SHLD2: variants seen among roughly 807,000 people sequenced by gnomAD.
The protein encoded by SHLD2 is RINN1-REV7-interacting novel NHEJ regulator 2.
In SHLD2, 30 loss-of-function variants were observed where a neutral mutation model predicts 73.2. That is an observed-to-expected ratio of 0.41 (90% CI 0.31 to 0.56). The LOEUF is 0.56. SHLD2 is among the 20% of genes least tolerant of loss of function. The pLI is 0.28. For synonymous variants in SHLD2, 285 were observed against 370.1 expected, an observed-to-expected ratio of 0.77 and a Z score of 2.64; for missense variants, 745 against 1,055.9, an observed-to-expected ratio of 0.71 and a Z score of 4.08.
chr10:87,127,353 T>C (rs1227300502), intron 2 of SHLD2, among the ~76,000 whole-genome samples: 4 of 151,858 alleles, frequency 2.6e-5, no homozygotes, highest in Admixed American at 2.6e-4. Context: ...CTAGTGAGAG[T>C]GAAAGATTGA....
rs543850393 is a variant in SHLD2 at position 87,105,462 on chromosome 10, G to A, written c.-6+8473G>A. ...AAGGTAGAGACGCTGATAATGTTGA[G>A]TCAGCTCAGGAAATTGGACCTGAAG... On this transcript the variant is annotated intron_variant, in intron 2 of 9. Coordinates refer to ENST00000298786, the MANE Select transcript of SHLD2 (RefSeq NM_001330112.2). 2.0e-5 allele frequency among the ~76,000 whole-genome samples: 3 copies of A among 152,334 alleles called. No homozygotes were observed. The East Asian group carries it at 5.8e-4, about 29-fold the overall frequency.
intron 8 of SHLD2, among the ~76,000 whole-genome samples, chr10:87,183,831 G>C (rs148703874): frequency 9.9e-5 from 15 of 152,258 alleles, no homozygotes; most frequent in African/African-American, 3.4e-4. Context: ...TTTCTAACCT[G>C]TCTCTCAGGC....
intron 2 of SHLD2, among the ~76,000 whole-genome samples, chr10:87,119,278 C>G (rs192794199): frequency 0.034 from 5,201 of 152,160 alleles, 118 homozygotes; most frequent in Middle Eastern, 0.11. Context: ...TATTTATTGG[C>G]TCACTTATTA....
intron 2 of SHLD2, among the ~76,000 whole-genome samples, chr10:87,134,008 G>T (rs943357820): frequency 6.6e-6 from 1 of 152,192 alleles, no homozygotes; most frequent in African/African-American, 2.4e-5. Context: ...TGAGGACAAT[G>T]GAAGAAGAGT....
chr10:87,134,246 C>T (rs1371105015), intron 2 of SHLD2, among the ~76,000 whole-genome samples: 2 of 152,126 alleles, frequency 1.3e-5, no homozygotes, highest in Non-Finnish European at 2.9e-5. Flanking sequence ...ATAAGAAGTA[C>T]GGTTTCTAAA....
At chr10:87,187,287 T>G in intron 9 of SHLD2, 87 bp downstream of exon 9, 1 of 837,936 alleles carries the variant, frequency 1.2e-6, no homozygotes, top group Non-Finnish European at 2.1e-6. Context: ...TACTTTAAAT[T>G]AAGAGCTTTT....
chr10:87,178,194 C>T (rs1460662069), intron 7 of SHLD2, among the ~76,000 whole-genome samples: 1 of 137,950 alleles, frequency 7.2e-6, no homozygotes, highest in East Asian at 2.1e-4. Flanking sequence ...CGAGATTGCA[C>T]CACTGCACTG....
chr10:87,132,123 A>G (rs2134161354), intron 2 of SHLD2, among the ~76,000 whole-genome samples: 1 of 152,228 alleles, frequency 6.6e-6, no homozygotes, highest in East Asian at 1.9e-4. Context: ...ATGATTTTCA[A>G]ATTTAGATAC....
chr10:87,190,140 T>C (rs1300438896), intron 9 of SHLD2, among the ~76,000 whole-genome samples: 1 of 152,298 alleles, frequency 6.6e-6, no homozygotes, highest in East Asian at 1.9e-4. Context: ...CTCATTGCAA[T>C]CTCTACCTCC....
At chr10:87,104,868 C>T (rs1842504100) in intron 2 of SHLD2, among the ~76,000 whole-genome samples, 1 of 151,982 alleles carries the variant, frequency 6.6e-6, no homozygotes, top group Non-Finnish European at 1.5e-5. Context: ...ACCATGTTGG[C>T]CAGGCTGCTC....
intron 2 of SHLD2, among the ~76,000 whole-genome samples, chr10:87,131,360 C>T (rs903768770): frequency 6.6e-6 from 1 of 152,164 alleles, no homozygotes; most frequent in African/African-American, 2.4e-5. Flanking sequence ...ATTAAGCAGT[C>T]ACTCCCCATT....
At chr10:87,122,173 CAAA>C (rs10706744) in intron 2 of SHLD2, among the ~76,000 whole-genome samples, 5 of 86,412 alleles carry the variant, frequency 5.8e-5, no homozygotes, top group Middle Eastern at 7.0e-3. Flanking sequence ...CACTGACTGT[CAAA>C]AAAAAAAAAA....
At chr10:87,123,998 T>G (rs959163263) in intron 2 of SHLD2, among the ~76,000 whole-genome samples, 9 of 151,998 alleles carry the variant, frequency 5.9e-5, no homozygotes, top group African/African-American at 2.2e-4. Flanking sequence ...AGATGTGTAG[T>G]TCAGGGAGGG....
rs972480782 is a variant in SHLD2, at chr10:87,190,808, G to T, written c.*125G>T. The T allele has an allele frequency of 6.8e-6, 5 of 739,896 alleles. No individual in the cohort carries two copies. In the East Asian group the frequency reaches 1.3e-4, roughly 20 times the overall value. The allele number at this position is 739,896 out of a possible 1,614,324, so 45.8% of individuals were successfully genotyped here. ...TGAAATATATTTTACAAAGAGAATT[G>T]CACTAGATATATAAATTAAAACTTT... On this transcript the variant is annotated 3_prime_UTR_variant, in exon 10 of 10. Transcript: ENST00000298786.
chr10:87,185,733 A>T (rs527924248), intron 8 of SHLD2, among the ~76,000 whole-genome samples: 4 of 151,904 alleles, frequency 2.6e-5, no homozygotes, highest in African/African-American at 9.7e-5. Context: ...ACTTTGAGTT[A>T]AGTTTTGTAT....
At chr10:87,133,080 T>G (rs1193489489) in intron 2 of SHLD2, among the ~76,000 whole-genome samples, 2 of 152,226 alleles carry the variant, frequency 1.3e-5, no homozygotes, top group Non-Finnish European at 2.9e-5. Context: ...AGATTAACAT[T>G]AAGATCTGAT....
intron 2 of SHLD2, among the ~76,000 whole-genome samples, chr10:87,125,881 C>T (rs1222782514): frequency 6.6e-6 from 1 of 151,816 alleles, no homozygotes; most frequent in African/African-American, 2.4e-5. Context: ...GAGCCGAGAT[C>T]ACGCCACTGC....
intron 2 of SHLD2, among the ~76,000 whole-genome samples, chr10:87,104,664 C>CT (rs960153184): frequency 4.3e-4 from 63 of 146,898 alleles, no homozygotes; most frequent in Middle Eastern, 3.5e-3. Context: ...AGGTAGGATT[C>CT]TTTTTTTTTT....
Position 87,152,153 on chromosome 10 carries a change from A to G in SHLD2, c.799A>G (p.Lys267Glu), listed in dbSNP as rs1589577335. The G allele has an allele frequency of 3.7e-6, 6 of 1,611,554 alleles. No individual in the cohort carries two copies. Among genetic ancestry groups the G allele is most frequent in the Non-Finnish European group, 5.1e-6 (6 of 1,179,664 alleles). ...KKDKRRSPVN[K>E]GNVNMETEPK... is the part of the protein sequence containing the mutation. ...AGATAAAAGGCGGAGTCCTGTAAAT[A>G]AAGGGAATGTAAACATGGAGACTGA... is the stretch of plus-strand genomic sequence containing the variant. The change falls in exon 3 of 10, where the codon AAA becomes GAA. Residue 267 changes from lysine (K) to glutamate (E), a missense_variant. Physicochemically the swap from Lys to Glu is moderately conservative, Grantham distance 56 (BLOSUM62 1). Around this residue, in one of 5 missense-constraint regions of SHLD2, gnomAD observed 280 missense variants for 353.9 expected, o/e 0.79. Transcript: ENST00000298786.
Sources: gnomAD v4.1 joint callset for allele counts (sites outside exome capture counted in the v4.1 genomes callset) on GRCh38, gnomAD v4.1.1 for gene constraint, gnomAD v4.1.1 regional missense constraint, MANE v1.5 for transcripts, NCBI Gene and HGNC (gene_info 2026-07-23, HGNC 2026-07-21) for gene names.